The following UBA2 variants were observed in gnomAD, a reference collection of about 807,000 sequenced individuals.
UBA2 encodes SUMO-activating enzyme subunit 2.
UBA2 carries 11 observed loss-of-function variants against 77.2 expected under a neutral mutation model. The observed-to-expected ratio is 0.14, with a 90% confidence interval of 0.09 to 0.24. UBA2 has a LOEUF of 0.24. UBA2 is among the 10% of genes least tolerant of loss of function. UBA2 has a pLI of 1.00. For synonymous variants in UBA2, 278 were observed against 276.7 expected, an observed-to-expected ratio of 1.00 and a Z score of -0.05; for missense variants, 487 against 781.7, an observed-to-expected ratio of 0.62 and a Z score of 4.50.
chr19:34,448,947 G>A (rs1327472930), intron 8 of UBA2, among the ~76,000 whole-genome samples: 1 of 151,332 alleles, frequency 6.6e-6, no homozygotes, highest in Non-Finnish European at 1.5e-5. Context: ...TCTACAAAAT[G>A]TTTCCAGCCA....
intron 5 of UBA2, among the ~76,000 whole-genome samples, chr19:34,437,819 C>G (rs1320361621): frequency 6.6e-6 from 1 of 152,036 alleles, no homozygotes; most frequent in African/African-American, 2.4e-5. Flanking sequence ...TTTTGGGAAG[C>G]CAAGGCGGGC....
At chr19:34,442,032 T>G (rs996553391) in intron 6 of UBA2, among the ~76,000 whole-genome samples, 3 of 151,844 alleles carry the variant, frequency 2.0e-5, no homozygotes, top group Non-Finnish European at 4.4e-5. Context: ...CCCAGCAGTT[T>G]GAGAGCAGTG....
chr19:34,444,151 G>T (rs985635088), intron 7 of UBA2, among the ~76,000 whole-genome samples: 12 of 145,014 alleles, frequency 8.3e-5, no homozygotes, highest in African/African-American at 3.1e-4. Context: ...TCCGCCTTCT[G>T]GGTTCAAATG....
chr19:34,449,115 G>A (rs559271931), intron 8 of UBA2, among the ~76,000 whole-genome samples: 1 of 136,958 alleles, frequency 7.3e-6, no homozygotes, highest in South Asian at 2.3e-4. Context: ...CTGTTGCCAG[G>A]CTGGAGTGCA....
chr19:34,462,492 G>A (rs2075641937), intron 14 of UBA2, among the ~76,000 whole-genome samples: 1 of 152,134 alleles, frequency 6.6e-6, no homozygotes, highest in African/African-American at 2.4e-5. Context: ...AATGCCAAGG[G>A]CATTCCTGGT....
At chr19:34,430,400 T>A (rs1283058432) in intron 1 of UBA2, among the ~76,000 whole-genome samples, 176 bp from the exon 2 acceptor site, 1 of 152,228 alleles carries the variant, frequency 6.6e-6, no homozygotes, top group Non-Finnish European at 1.5e-5. Flanking sequence ...TCTAGATTCT[T>A]ACATGCATTA....
In UBA2 at chr19:34,431,842, G is replaced by A; in HGVS notation, c.223-19G>A. 2 of 1,608,112 alleles carry A rather than the reference G, an allele frequency of 1.2e-6. No individual in the cohort carries two copies. Among genetic ancestry groups the A allele is most frequent in the African/African-American group, 1.3e-5 (1 of 74,892 alleles). ...GGAACAGAAATATTGTAGTAATTCAGTGTTGTTTATTTTTCCAGGTTGCCA... is the reference window on the plus strand; with the variant it reads ...GGAACAGAAATATTGTAGTAATTCAATGTTGTTTATTTTTCCAGGTTGCCA... On this transcript the variant is annotated intron_variant, in intron 2 of 16. Transcript: ENST00000246548.
chr19:34,442,182 C>G (rs1329299119), intron 6 of UBA2, among the ~76,000 whole-genome samples: 1 of 152,124 alleles, frequency 6.6e-6, no homozygotes, highest in Non-Finnish European at 1.5e-5. Context: ...CTGCAGTGAG[C>G]TGTGATCACA....
At chr19:34,466,128 G>T (rs2075685016) in intron 15 of UBA2, among the ~76,000 whole-genome samples, 1 of 152,028 alleles carries the variant, frequency 6.6e-6, no homozygotes. Context: ...AGGCTCAGGG[G>T]TTCAAAACCA....
chr19:34,430,904 G>C (rs1348200234), intron 2 of UBA2, among the ~76,000 whole-genome samples: 3 of 152,118 alleles, frequency 2.0e-5, no homozygotes, highest in East Asian at 3.8e-4. Flanking sequence ...AGTTTCTGAT[G>C]CTTTGCTTAG....
intron 8 of UBA2, among the ~76,000 whole-genome samples, chr19:34,447,099 G>C (rs148138329): frequency 0.037 from 5,698 of 152,238 alleles, 174 homozygotes; most frequent in Admixed American, 0.11. Flanking sequence ...GGAGCAAGGA[G>C]AGCCAGTCTG....
At chr19:34,436,321 CAG>C (rs370076230) in intron 5 of UBA2, among the ~76,000 whole-genome samples, 44 of 152,058 alleles carry the variant, frequency 2.9e-4, no homozygotes, top group Middle Eastern at 3.4e-3. Flanking sequence ...TTTTTTGAGA[CAG>C]AATTTCGCTC....
At chr19:34,433,287 A>G in intron 3 of UBA2, 61 bp from the exon 4 acceptor site, 2 of 1,173,856 alleles carry the variant, frequency 1.7e-6, no homozygotes, top group Non-Finnish European at 2.5e-6. Context: ...TGTTTATTAT[A>G]CTGCAAAGAT....
At chr19:34,446,023 C>CT (rs2075426501) in intron 8 of UBA2, among the ~76,000 whole-genome samples, 1 of 151,850 alleles carries the variant, frequency 6.6e-6, no homozygotes, top group Non-Finnish European at 1.5e-5. Context: ...TTTTTTGACT[C>CT]TTTTTTTCCT....
Position 34,460,526 on chromosome 19 carries a change from A to G in UBA2, c.1458A>G (p.Lys486=). The change falls in exon 14 of 17, where the codon AAA becomes AAG. Residue 486 remains lysine (K), a synonymous_variant. Coordinates refer to ENST00000246548, the MANE Select transcript of UBA2 (RefSeq NM_005499.3). ...VAPDVQIEDG[K]GTILISSEEG... is the part of the protein sequence containing the mutation. ...CAGATGTCCAAATTGAAGATGGGAA[A>G]GGAACAATCCTAATATCTTCCGAAG... is the stretch of plus-strand genomic sequence containing the variant. 6.2e-7 allele frequency: 1 copy of G among 1,612,598 alleles called. No homozygotes were observed. Among genetic ancestry groups the G allele is most frequent in the Non-Finnish European group, 8.5e-7 (1 of 1,179,332 alleles).
intron 5 of UBA2, among the ~76,000 whole-genome samples, chr19:34,436,449 G>C (rs560482286): frequency 6.6e-6 from 1 of 152,020 alleles, no homozygotes; most frequent in Non-Finnish European, 1.5e-5. Context: ...ACAGGCGTGC[G>C]CCACCACGCC....
Position 34,452,226 on chromosome 19 carries a change from A to AT in UBA2, c.1038+85dup. ...TCTTGAGATGTAATAGAAGCTAGTC[A>AT]TTTTTTGAATATTTACTAGATTTTG... On this transcript the variant is annotated intron_variant, in intron 10 of 16. Transcript: ENST00000246548. 3 of 1,201,538 alleles carry AT rather than the reference A, an allele frequency of 2.5e-6. 1 individual carries two copies. The highest frequency in any genetic ancestry group is 4.0e-5 in the South Asian group (2 of 50,128). The allele number at this position is 1,201,538 out of a possible 1,614,324, so 74.4% of individuals were successfully genotyped here. A position where few individuals can be genotyped will look rare whatever the true frequency, so the allele number is the denominator to read the frequency against.
intron 15 of UBA2, 102 bp downstream of exon 15, chr19:34,464,233 AT>A (rs2145567857): frequency 1.3e-6 from 1 of 773,304 alleles, no homozygotes; most frequent in East Asian, 2.7e-5. Flanking sequence ...CCTGCTGTTC[AT>A]TTGAAACTGT....
At position 34,450,255 on chromosome 19, in the gene UBA2, C is replaced by A; in HGVS notation, c.772-10C>A. The A allele has an allele frequency of 1.9e-6, 3 of 1,597,894 alleles. No individual in the cohort carries two copies. The highest frequency in any genetic ancestry group is 2.6e-6 in the Non-Finnish European group (3 of 1,171,412). On this transcript the variant is annotated splice_polypyrimidine_tract_variant and intron_variant, in intron 8 of 16. Coordinates refer to ENST00000246548, the MANE Select transcript of UBA2 (RefSeq NM_005499.3). ...TATGGGGTTCATGGGATCTGTCTTT[C>A]TTTTGTAAGCTTTTTAAAGATGACA...
Sources: allele counts gnomAD v4.1 joint callset (sites outside exome capture counted in the v4.1 genomes callset), GRCh38; gene constraint gnomAD v4.1.1; transcripts MANE v1.5; gene names NCBI Gene and HGNC (gene_info 2026-07-23, HGNC 2026-07-21).